SYN3: variants seen among roughly 807,000 people sequenced by gnomAD.
SYN3 encodes the protein synapsin-3.
A neutral mutation model predicts 65.8 loss-of-function variants in SYN3; 35 were observed. The ratio of observed to expected loss-of-function variants is 0.53; its 90% CI spans 0.41 to 0.70. The LOEUF (loss-of-function observed/expected upper bound fraction) is 0.70. Ranked by LOEUF, SYN3 falls within the 30% of genes least tolerant of loss-of-function variation. The probability of loss-of-function intolerance (pLI) is 0.00; values close to 1 mark genes in which losing one functional copy is unlikely to be tolerated. For synonymous variants in SYN3, 270 were observed against 292.9 expected, an observed-to-expected ratio of 0.92 and a Z score of 0.80; for missense variants, 680 against 749.0, an observed-to-expected ratio of 0.91 and a Z score of 1.08.
At chr22:32,702,200 A>C (rs2060818363) in intron 6 of SYN3, among the ~76,000 whole-genome samples, 1 of 152,212 alleles carries the variant, frequency 6.6e-6, no homozygotes. Context: ...AGCATCGGCC[A>C]GGCGCTATGG....
intron 1 of SYN3, among the ~76,000 whole-genome samples, chr22:33,050,128 C>A (rs1050076246): frequency 1.3e-5 from 2 of 152,110 alleles, no homozygotes; most frequent in Non-Finnish European, 2.9e-5. Context: ...TCTGTCAACT[C>A]ATCAAGTGAC....
intron 10 of SYN3, chr22:32,530,297 T>C (rs1368841865): frequency 1.3e-5 from 2 of 152,190 alleles, no homozygotes; most frequent in Non-Finnish European, 2.9e-5. Context: ...ATTCTAAGCA[T>C]TGGGTGTGGA....
chr22:32,734,348 G>A (rs1309701930), intron 6 of SYN3, among the ~76,000 whole-genome samples: 1 of 152,244 alleles, frequency 6.6e-6, no homozygotes, highest in Non-Finnish European at 1.5e-5. Flanking sequence ...CAGGTGCAGG[G>A]GGGAGAGAGT....
intron 6 of SYN3, among the ~76,000 whole-genome samples, chr22:32,621,072 G>T (rs2059586951): frequency 6.6e-6 from 1 of 152,148 alleles, no homozygotes; most frequent in Admixed American, 6.5e-5. Context: ...TCCTGGTGTG[G>T]ACTGCTAATG....
At position 32,510,623 on chromosome 22, in the gene SYN3, A is replaced by T. The variant is rs1203764590; in HGVS notation, c.*3069T>A. ...TTAATATTTGAAAGGTCTACCCCTGAGTAAGGAGGGTGGATATATATTTTT... is the reference window on the plus strand; with the variant it reads ...TTAATATTTGAAAGGTCTACCCCTGTGTAAGGAGGGTGGATATATATTTTT... On this transcript the variant is annotated 3_prime_UTR_variant, in exon 14 of 14. Coordinates refer to ENST00000358763, the MANE Select transcript of SYN3 (RefSeq NM_003490.4). Among the ~76,000 whole-genome samples the T allele has an allele frequency of 6.6e-6, 1 of 152,152 alleles. No individual in the cohort carries two copies. Among genetic ancestry groups the T allele is most frequent in the East Asian group, 1.9e-4 (1 of 5,196 alleles).
At chr22:32,562,734 C>T (rs890591000) in intron 7 of SYN3, among the ~76,000 whole-genome samples, 1 of 152,270 alleles carries the variant, frequency 6.6e-6, no homozygotes, top group African/African-American at 2.4e-5. Context: ...GCCAAGCAAA[C>T]AAAGCAGATG....
intron 6 of SYN3, among the ~76,000 whole-genome samples, chr22:32,815,909 T>C (rs1468869280): frequency 2.6e-5 from 4 of 152,176 alleles, no homozygotes; most frequent in Non-Finnish European, 5.9e-5. Context: ...TGGTCTGTGG[T>C]CTTCACCGCC....
At chr22:32,968,144 T>C (rs1357324813) in intron 3 of SYN3, among the ~76,000 whole-genome samples, 1 of 152,186 alleles carries the variant, frequency 6.6e-6, no homozygotes, top group Non-Finnish European at 1.5e-5. Context: ...TCTGACTCCA[T>C]CCTCTCAGTC....
At chr22:33,025,596 TG>T (rs1300642379) in intron 1 of SYN3, among the ~76,000 whole-genome samples, 2 of 149,242 alleles carry the variant, frequency 1.3e-5, no homozygotes, top group Admixed American at 1.3e-4. Flanking sequence ...ATCGCACCAC[TG>T]GGTGACAACC....
chr22:33,052,406 C>T (rs1405272339), intron 1 of SYN3, among the ~76,000 whole-genome samples: 1 of 152,126 alleles, frequency 6.6e-6, no homozygotes, highest in Non-Finnish European at 1.5e-5. Flanking sequence ...TCCTCCTCTT[C>T]TTTCTCCTCC....
chr22:32,873,675 T>G (rs1301361563), intron 4 of SYN3, among the ~76,000 whole-genome samples: 2 of 152,194 alleles, frequency 1.3e-5, no homozygotes, highest in Non-Finnish European at 2.9e-5. Context: ...TCGGGTGTGT[T>G]GTATCTGAGC....
At chr22:32,739,174 A>AGTG (rs371077953) in intron 6 of SYN3, among the ~76,000 whole-genome samples, 1 of 146,130 alleles carries the variant, frequency 6.8e-6, no homozygotes, top group Admixed American at 6.7e-5. Flanking sequence ...ATTGAATCAC[A>AGTG]GGGGGGGGGC....
chr22:32,514,013 TTTCCCCATTTCTTAGG>T (rs1404915339), intron 13 of SYN3, among the ~76,000 whole-genome samples, 189 bp from the exon 14 acceptor site: 1 of 152,152 alleles, frequency 6.6e-6, no homozygotes, highest in Non-Finnish European at 1.5e-5. Flanking sequence ...AGGTGGTTAT[TTTCCCCATTTCTTAGG>T]TTCAGAAATA....
chr22:32,761,850 T>A (rs932168293), intron 6 of SYN3, among the ~76,000 whole-genome samples: 1 of 152,172 alleles, frequency 6.6e-6, no homozygotes, highest in African/African-American at 2.4e-5. Context: ...CTGTGAGGTT[T>A]TGCCTGGTGG....
chr22:32,778,883 AATGAATATACC>A (rs1389478716), intron 6 of SYN3, among the ~76,000 whole-genome samples: 3 of 152,238 alleles, frequency 2.0e-5, no homozygotes, highest in African/African-American at 7.2e-5. Context: ...GCTCCAAATA[AATGAATATACC>A]ATTGTATTGG....
chr22:32,600,533 G>A (rs2059266666), intron 6 of SYN3, among the ~76,000 whole-genome samples: 1 of 152,198 alleles, frequency 6.6e-6, no homozygotes, highest in Non-Finnish European at 1.5e-5. Flanking sequence ...TCTGAAGGAT[G>A]AGTAGGTTGT....
intron 2 of SYN3, among the ~76,000 whole-genome samples, chr22:32,982,849 A>G (rs241707): frequency 0.63 from 96,443 of 151,974 alleles, 31,054 homozygotes; most frequent in East Asian, 0.78. Flanking sequence ...TCTCATTAAC[A>G]CTCACAACCA....
chr22:32,612,504 G>C (rs2059458794), intron 6 of SYN3, among the ~76,000 whole-genome samples: 1 of 152,172 alleles, frequency 6.6e-6, no homozygotes, highest in African/African-American at 2.4e-5. Flanking sequence ...AGTGTTGCGA[G>C]TAGAAAAATA....
At chr22:33,020,617 G>A (rs2053543979) in intron 1 of SYN3, among the ~76,000 whole-genome samples, 1 of 152,186 alleles carries the variant, frequency 6.6e-6, no homozygotes, top group African/African-American at 2.4e-5. Flanking sequence ...ACAAGCAAAA[G>A]GGGAGAAATT....
Sources: allele counts gnomAD v4.1 joint callset (sites outside exome capture counted in the v4.1 genomes callset), GRCh38; gene constraint gnomAD v4.1.1; transcripts MANE v1.5; gene names NCBI Gene and HGNC (gene_info 2026-07-23, HGNC 2026-07-21).